Variants in ARHGAP42 observed in about 807,000 individuals in gnomAD.
ARHGAP42 encodes the protein rho GTPase-activating protein 42.
Under a neutral mutation model 125.0 loss-of-function variants are expected in ARHGAP42, and 63 were observed. That is an observed-to-expected ratio of 0.50 (90% CI 0.41 to 0.62). ARHGAP42 has a LOEUF of 0.62. Among genes scored for constraint, ARHGAP42 ranks in the 20% least tolerant of loss-of-function variants. The pLI, the probability that ARHGAP42 is intolerant of heterozygous loss-of-function variation, is 0.00. For synonymous variants in ARHGAP42, 339 were observed against 351.0 expected, an observed-to-expected ratio of 0.97 and a Z score of 0.38; for missense variants, 766 against 1,024.2, an observed-to-expected ratio of 0.75 and a Z score of 3.44.
intron 2 of ARHGAP42, among the ~76,000 whole-genome samples, chr11:100,775,930 C>T (rs536706381): frequency 2.6e-5 from 4 of 152,120 alleles, no homozygotes; most frequent in East Asian, 1.9e-4. Context: ...GAGGCTGAGG[C>T]GGGCGGATCA....
chr11:100,916,293 A>C (rs1403780682), intron 5 of ARHGAP42, among the ~76,000 whole-genome samples: 1 of 152,210 alleles, frequency 6.6e-6, no homozygotes, highest in Admixed American at 6.5e-5. Context: ...TGAATGCATA[A>C]AAATAAGTAA....
At chr11:100,736,336 G>A (rs1389497329) in intron 1 of ARHGAP42, among the ~76,000 whole-genome samples, 2 of 152,150 alleles carry the variant, frequency 1.3e-5, no homozygotes, top group Non-Finnish European at 2.9e-5. Flanking sequence ...GGGGCTTCCC[G>A]ATGATCACTT....
intron 12 of ARHGAP42, among the ~76,000 whole-genome samples, chr11:100,956,609 T>C (rs1232336582): frequency 6.6e-6 from 1 of 151,962 alleles, no homozygotes; most frequent in East Asian, 1.9e-4. Flanking sequence ...ATAATCTTCT[T>C]GCAGGGAGGG....
At chr11:100,689,299 G>C (rs1469913580) in intron 1 of ARHGAP42, among the ~76,000 whole-genome samples, 1 of 152,154 alleles carries the variant, frequency 6.6e-6, no homozygotes, top group Non-Finnish European at 1.5e-5. Flanking sequence ...TGCAAATCCT[G>C]GTTAAAGTCT....
intron 4 of ARHGAP42, among the ~76,000 whole-genome samples, chr11:100,895,650 G>A (rs572283108): frequency 6.6e-6 from 1 of 151,884 alleles, no homozygotes; most frequent in Non-Finnish European, 1.5e-5. Flanking sequence ...TGTATTTGAG[G>A]AAGGCATCTG....
chr11:100,753,849 G>T (rs1182824533), intron 1 of ARHGAP42, among the ~76,000 whole-genome samples: 1 of 152,146 alleles, frequency 6.6e-6, no homozygotes, highest in African/African-American at 2.4e-5. Context: ...CTCACACTCT[G>T]GAGACTTACA....
At chr11:100,756,666 C>G (rs1450420439) in intron 1 of ARHGAP42, among the ~76,000 whole-genome samples, 1 of 152,144 alleles carries the variant, frequency 6.6e-6, no homozygotes, top group African/African-American at 2.4e-5. Flanking sequence ...CTTTTATTTG[C>G]AGTAAGATGA....
chr11:100,940,931 T>C (rs994215208), intron 8 of ARHGAP42, among the ~76,000 whole-genome samples: 2 of 152,162 alleles, frequency 1.3e-5, no homozygotes, highest in African/African-American at 4.8e-5. Flanking sequence ...TGGCTTAAAT[T>C]AGTAAAACAA....
At chr11:100,764,863 T>TAC in intron 1 of ARHGAP42, among the ~76,000 whole-genome samples, 1 of 152,200 alleles carries the variant, frequency 6.6e-6, no homozygotes, top group Middle Eastern at 3.4e-3. Context: ...AGTGGGTAGG[T>TAC]TAGGTTTACA....
intron 9 of ARHGAP42, 74 bp downstream of exon 9, chr11:100,941,958 C>G: frequency 8.9e-7 from 1 of 1,123,358 alleles, no homozygotes; most frequent in Non-Finnish European, 1.3e-6. Context: ...ACAAAAAAAT[C>G]ACATTTGTTT....
At chr11:100,951,558 C>T (rs1028894567) in intron 12 of ARHGAP42, among the ~76,000 whole-genome samples, 2 of 152,146 alleles carry the variant, frequency 1.3e-5, no homozygotes, top group East Asian at 1.9e-4. Flanking sequence ...AAGACAATTG[C>T]ACCTATATAC....
In ARHGAP42 at chr11:100,897,770, G is replaced by A. The variant is rs180814817; in HGVS notation, c.385-15682G>A. ...GACGATGGGGTTTTCTAAGTATACAGTCATGTCATCTGCAAACAGGGACAA... is the reference window on the plus strand; with the variant it reads ...GACGATGGGGTTTTCTAAGTATACAATCATGTCATCTGCAAACAGGGACAA... On this transcript the variant is annotated intron_variant, in intron 4 of 23. Coordinates refer to ENST00000298815, the MANE Select transcript of ARHGAP42 (RefSeq NM_152432.4). 2.7e-3 allele frequency among the ~76,000 whole-genome samples: 413 copies of A among 152,228 alleles called. 1 individual carries two copies. The highest frequency in any genetic ancestry group is 4.6e-3 in the Non-Finnish European group (310 of 67,994).
At chr11:100,820,937 G>T (rs1864390234) in intron 3 of ARHGAP42, among the ~76,000 whole-genome samples, 1 of 150,032 alleles carries the variant, frequency 6.7e-6, no homozygotes. Flanking sequence ...AATTAACTGT[G>T]GGTCATCTTT....
At chr11:100,841,150 C>T (rs556132757) in intron 3 of ARHGAP42, among the ~76,000 whole-genome samples, 1 of 152,272 alleles carries the variant, frequency 6.6e-6, no homozygotes, top group South Asian at 2.1e-4. Flanking sequence ...AAATGTGAGG[C>T]ACAACTCAGG....
intron 1 of ARHGAP42, among the ~76,000 whole-genome samples, chr11:100,763,509 A>G (rs1478670671): frequency 6.6e-6 from 1 of 152,084 alleles, no homozygotes; most frequent in African/African-American, 2.4e-5. Flanking sequence ...TTTATTTGAG[A>G]CAGAGTCTTG....
chr11:100,854,070 T>C (rs1057155639), intron 3 of ARHGAP42, among the ~76,000 whole-genome samples: 5 of 152,144 alleles, frequency 3.3e-5, no homozygotes, highest in African/African-American at 1.2e-4. Context: ...TATTATCATC[T>C]TTATTATATA....
intron 4 of ARHGAP42, among the ~76,000 whole-genome samples, chr11:100,892,726 C>A (rs1450565423): frequency 6.6e-6 from 1 of 152,136 alleles, no homozygotes; most frequent in African/African-American, 2.4e-5. Context: ...GTGCTGCCTG[C>A]CCTTAAAATA....
intron 14 of ARHGAP42, 116 bp from the exon 15 acceptor site, chr11:100,961,568 T>A (rs1351446140): frequency 1.2e-6 from 1 of 818,106 alleles, no homozygotes; most frequent in Non-Finnish European, 1.9e-6. Flanking sequence ...CTCTTGGCAT[T>A]CTAAGAAATG....
At chr11:100,794,075 CAAAAAAAAAAAAAAAA>C (rs869272420) in intron 2 of ARHGAP42, among the ~76,000 whole-genome samples, 63 of 44,844 alleles carry the variant, frequency 1.4e-3, no homozygotes, top group East Asian at 7.0e-3. Context: ...GACCCTGTCT[CAAAAAAAAAAAAAAAA>C]AAAAAAAAAA....
Sources: gnomAD v4.1 joint callset for allele counts (sites outside exome capture counted in the v4.1 genomes callset) on GRCh38, gnomAD v4.1.1 for gene constraint, MANE v1.5 for transcripts, NCBI Gene and HGNC (gene_info 2026-07-23, HGNC 2026-07-21) for gene names.